RNF214: variants seen among roughly 807,000 people sequenced by gnomAD.
RNF214 encodes the protein ring finger protein 214.
RNF214 carries 25 observed loss-of-function variants against 75.9 expected under a neutral mutation model. That is an observed-to-expected ratio of 0.33 (90% CI 0.24 to 0.46). The LOEUF is 0.46. Ranked by LOEUF, RNF214 falls within the 20% of genes least tolerant of loss-of-function variation. The pLI is 1.00. For missense variants in RNF214, 725 were observed against 857.5 expected (o/e 0.85, Z 1.93); for synonymous variants, 314 against 308.8 (o/e 1.02, Z -0.18).
rs147993497 is a variant in RNF214 at position 117,281,764 on chromosome 11, G to A, written c.1335+66G>A. ...TGGTAGCAGCAGCAGAGTCTTCTGC[G>A]TGTTCTTTTTATGAAGATATTGGGA... On this transcript the variant is annotated intron_variant, in intron 10 of 14. Coordinates refer to ENST00000300650, the MANE Select transcript of RNF214 (RefSeq NM_207343.4). 1.4e-4 allele frequency: 210 copies of A among 1,503,188 alleles called. No individual in the cohort carries two copies. In the Middle Eastern group the frequency reaches 1.7e-3, roughly 12 times the overall value. The allele number at this position is 1,503,188 out of a possible 1,614,324, so 93.1% of individuals were successfully genotyped here. A position where few individuals can be genotyped will look rare whatever the true frequency, so the allele number is the denominator to read the frequency against.
intron 3 of RNF214, chr11:117,239,429 A>G: frequency 6.6e-6 from 3 of 455,052 alleles, no homozygotes; most frequent in Non-Finnish European, 1.2e-5. Context: ...CCTTGCAGGA[A>G]GAATCCTTGT....
chr11:117,269,610 G>A (rs775755534), intron 6 of RNF214, among the ~76,000 whole-genome samples: 11 of 152,156 alleles, frequency 7.2e-5, no homozygotes, highest in Non-Finnish European at 1.5e-4. Context: ...CAATCCACCC[G>A]TCTCGGCCTC....
Position 117,282,848 on chromosome 11 carries a change from C to T in RNF214, c.1948C>T (p.His650Tyr), listed in dbSNP as rs781648496. 3.1e-5 allele frequency: 50 copies of T among 1,605,950 alleles called. No homozygotes were observed. The highest frequency in any genetic ancestry group is 4.3e-5 in the Non-Finnish European group (50 of 1,172,576). Residue 650 changes from histidine (H) to tyrosine (Y), a missense_variant and splice_region_variant, in exon 13 of 15, where the codon CAT becomes TAT. Physicochemically the swap from His to Tyr is moderately conservative, Grantham distance 83. This residue lies in a region of RNF214 where 363 missense variants were observed against 513.0 expected (regional missense o/e 0.71). Coordinates refer to ENST00000300650, the MANE Select transcript of RNF214 (RefSeq NM_207343.4). ...AQVSYPGRSS[H>Y]APATCKLCLM... The stretch of plus-strand genomic sequence containing the variant: ...AGTTTCATATCCTGGAAGGTCTTCA[C>T]ATGTAAGACTCTTTTTCTTTGAACA...
chr11:117,252,202 G>A (rs538759572), intron 6 of RNF214, among the ~76,000 whole-genome samples: 1 of 152,302 alleles, frequency 6.6e-6, no homozygotes, highest in East Asian at 1.9e-4. Flanking sequence ...TACTTGGGCA[G>A]TTGGAAAATG....
chr11:117,234,646 G>A (rs1348377107), intron 2 of RNF214, among the ~76,000 whole-genome samples: 3 of 152,246 alleles, frequency 2.0e-5, no homozygotes, highest in South Asian at 4.1e-4. Flanking sequence ...CCTTTCCTAC[G>A]TGGACTGTAT....
At chr11:117,234,187 T>C in intron 1 of RNF214, 80 bp from the exon 2 acceptor site, 2 of 1,019,990 alleles carry the variant, frequency 2.0e-6, no homozygotes, top group South Asian at 1.3e-5. Flanking sequence ...CTCTGTTGTG[T>C]GGACATTCTG....
intron 4 of RNF214, among the ~76,000 whole-genome samples, chr11:117,242,592 C>T (rs1216041986): frequency 6.6e-6 from 1 of 152,168 alleles, no homozygotes; most frequent in Admixed American, 6.5e-5. Context: ...GTGGCTCACA[C>T]CTGTAATCTC....
chr11:117,267,760 A>G (rs1452645076), intron 6 of RNF214, among the ~76,000 whole-genome samples: 1 of 151,970 alleles, frequency 6.6e-6, no homozygotes, highest in African/African-American at 2.4e-5. Flanking sequence ...TTTTGGTTAT[A>G]AATATACATA....
At chr11:117,236,207 C>T (rs893547422) in intron 2 of RNF214, among the ~76,000 whole-genome samples, 3 of 151,914 alleles carry the variant, frequency 2.0e-5, no homozygotes, top group Admixed American at 6.6e-5. Context: ...GTGATCTGTC[C>T]GTCTTGGCCT....
At chr11:117,253,879 C>T (rs539340812) in intron 6 of RNF214, among the ~76,000 whole-genome samples, 1 of 152,290 alleles carries the variant, frequency 6.6e-6, no homozygotes, top group African/African-American at 2.4e-5. Flanking sequence ...ATTCTCTGAA[C>T]TTGCCTGATC....
At chr11:117,283,004 G>T in intron 13 of RNF214, 111 bp from the exon 14 acceptor site, 1 of 1,012,002 alleles carries the variant, frequency 9.9e-7, no homozygotes, top group South Asian at 1.5e-5. Flanking sequence ...TCTATATTTG[G>T]ATTTTTGTTT....
chr11:117,239,499 G>A, intron 3 of RNF214: 1 of 465,498 alleles, frequency 2.1e-6, no homozygotes, highest in Non-Finnish European at 3.9e-6. Flanking sequence ...TGACGGGTGT[G>A]CTTTGTTGTA....
At chr11:117,277,063 CT>C (rs2034029024) in intron 6 of RNF214, among the ~76,000 whole-genome samples, 1 of 152,188 alleles carries the variant, frequency 6.6e-6, no homozygotes, top group South Asian at 2.1e-4. Flanking sequence ...AATTATTAGG[CT>C]GGGTATAGTG....
At chr11:117,265,078 A>AG (rs932789085) in intron 6 of RNF214, among the ~76,000 whole-genome samples, 1 of 151,976 alleles carries the variant, frequency 6.6e-6, no homozygotes, top group Non-Finnish European at 1.5e-5. Context: ...AAAAAAAAAA[A>AG]AAAAAATTGG....
At chr11:117,259,041 C>A (rs2033596197) in intron 6 of RNF214, among the ~76,000 whole-genome samples, 1 of 152,184 alleles carries the variant, frequency 6.6e-6, no homozygotes, top group African/African-American at 2.4e-5. Flanking sequence ...ACTGCAACCT[C>A]CGCCTGCCGG....
chr11:117,250,001 A>G (rs1186354187), intron 6 of RNF214, among the ~76,000 whole-genome samples: 4 of 152,220 alleles, frequency 2.6e-5, no homozygotes, highest in African/African-American at 2.4e-5. Flanking sequence ...TTTATTGAGT[A>G]TCTACTATGA....
intron 2 of RNF214, among the ~76,000 whole-genome samples, chr11:117,235,495 C>CTTTT (rs764468370): frequency 8.3e-5 from 10 of 120,636 alleles, no homozygotes; most frequent in East Asian, 2.4e-4. Flanking sequence ...CACGCCCAGC[C>CTTTT]TTTTTTTTTT....
intron 6 of RNF214, among the ~76,000 whole-genome samples, chr11:117,253,312 G>A (rs1221927424): frequency 6.6e-6 from 1 of 152,200 alleles, no homozygotes; most frequent in Non-Finnish European, 1.5e-5. Flanking sequence ...ATTTTTAAAG[G>A]AGACAAACTG....
chr11:117,281,817 C>G, intron 10 of RNF214, 77 bp from the exon 11 acceptor site: 1 of 1,546,956 alleles, frequency 6.5e-7, no homozygotes, highest in South Asian at 1.2e-5. Context: ...AAGAGTTGTT[C>G]ATTGATGTCT....
Sources: allele counts gnomAD v4.1 joint callset (sites outside exome capture counted in the v4.1 genomes callset), GRCh38; gene constraint gnomAD v4.1.1; regional missense constraint gnomAD v4.1.1; transcripts MANE v1.5; gene names NCBI Gene and HGNC (gene_info 2026-07-23, HGNC 2026-07-21).